The following CADM2 variants were observed in gnomAD, a reference collection of about 807,000 sequenced individuals.
The protein encoded by CADM2 is immunoglobulin superfamily member 4D.
Under a neutral mutation model 49.8 loss-of-function variants are expected in CADM2, and 12 were observed. That is an observed-to-expected ratio of 0.24 (90% CI 0.15 to 0.39). CADM2 has a LOEUF of 0.39. Ranked by LOEUF, CADM2 falls within the 10% of genes least tolerant of loss-of-function variation. The pLI is 1.00. For missense variants in CADM2, 378 were observed against 492.3 expected, an observed-to-expected ratio of 0.77 and a Z score of 2.20; for synonymous variants, 214 against 175.4, an observed-to-expected ratio of 1.22 and a Z score of -1.74.
At chr3:85,121,816 T>C (rs537242965) in intron 1 of CADM2, among the ~76,000 whole-genome samples, 17 of 152,320 alleles carry the variant, frequency 1.1e-4, no homozygotes, top group Non-Finnish European at 8.8e-5. Flanking sequence ...ATATTTTTAT[T>C]ATTTCTGCAT....
At chr3:85,201,344 A>G (rs1355032392) in intron 1 of CADM2, among the ~76,000 whole-genome samples, 2 of 152,228 alleles carry the variant, frequency 1.3e-5, no homozygotes, top group Non-Finnish European at 2.9e-5. Context: ...GCATTATATT[A>G]TCTGAAAGAA....
intron 1 of CADM2, among the ~76,000 whole-genome samples, chr3:84,999,254 C>G (rs952746554): frequency 2.0e-5 from 3 of 152,146 alleles, no homozygotes; most frequent in Admixed American, 2.0e-4. Flanking sequence ...TGGGAAAATA[C>G]AGGGTTAGAA....
At chr3:85,573,940 G>GCATGTTTGA (rs1163439176) in intron 1 of CADM2, among the ~76,000 whole-genome samples, 1 of 151,942 alleles carries the variant, frequency 6.6e-6, no homozygotes, top group African/African-American at 2.4e-5. Flanking sequence ...AACATGTGAA[G>GCATGTTTGA]CATGTTTGAA....
intron 1 of CADM2, among the ~76,000 whole-genome samples, chr3:84,966,279 CTTA>C (rs1196004315): frequency 1.3e-5 from 2 of 151,978 alleles, no homozygotes; most frequent in African/African-American, 4.8e-5. Context: ...TCCACAGTCA[CTTA>C]TTTATATATA....
At chr3:85,914,300 T>C (rs988423281) in intron 6 of CADM2, among the ~76,000 whole-genome samples, 2 of 152,094 alleles carry the variant, frequency 1.3e-5, no homozygotes, top group Admixed American at 6.6e-5. Context: ...GCTTTGATTA[T>C]AAAGTAGAGG....
chr3:85,200,929 A>T (rs1010020278), intron 1 of CADM2, among the ~76,000 whole-genome samples: 2 of 152,112 alleles, frequency 1.3e-5, no homozygotes, highest in African/African-American at 4.8e-5. Context: ...ATTATTAACC[A>T]TTTTCACTCT....
intron 1 of CADM2, among the ~76,000 whole-genome samples, chr3:85,228,447 G>A (rs777154227): frequency 1.3e-5 from 2 of 151,678 alleles, no homozygotes; most frequent in Non-Finnish European, 2.9e-5. Context: ...CCCCATCTTT[G>A]TGGTTTTATC....
chr3:85,183,149 C>G (rs1252884722), intron 1 of CADM2, among the ~76,000 whole-genome samples: 4 of 152,020 alleles, frequency 2.6e-5, no homozygotes, highest in Non-Finnish European at 5.9e-5. Context: ...GAGATTGCAT[C>G]AGTGATGTTA....
intron 1 of CADM2, among the ~76,000 whole-genome samples, chr3:85,077,633 T>TA (rs2036997271): frequency 6.6e-6 from 1 of 152,090 alleles, no homozygotes; most frequent in Non-Finnish European, 1.5e-5. Flanking sequence ...GTCTCTAATA[T>TA]AAAATGATGT....
At chr3:85,653,301 T>C (rs1375126393) in intron 1 of CADM2, among the ~76,000 whole-genome samples, 3 of 147,138 alleles carry the variant, frequency 2.0e-5, no homozygotes, top group Non-Finnish European at 4.5e-5. Flanking sequence ...GGAAGACCAA[T>C]AAAAAGGTGA....
chr3:85,298,192 G>GT (rs565745616), intron 1 of CADM2, among the ~76,000 whole-genome samples: 100 of 152,186 alleles, frequency 6.6e-4, no homozygotes, highest in African/African-American at 2.3e-3. Context: ...ACATTGCTGA[G>GT]TGCCACTATG....
At chr3:85,750,813 A>C (rs1171872324) in intron 2 of CADM2, among the ~76,000 whole-genome samples, 1 of 152,014 alleles carries the variant, frequency 6.6e-6, no homozygotes, top group Non-Finnish European at 1.5e-5. Context: ...ATCAGTGTGC[A>C]TACTCAGGGA....
intron 1 of CADM2, among the ~76,000 whole-genome samples, chr3:85,551,790 G>C (rs1449408): frequency 0.51 from 77,858 of 151,786 alleles, 23,025 homozygotes; most frequent in East Asian, 0.85. Flanking sequence ...ATTTCCTACT[G>C]GGTATATAAT....
At chr3:85,210,202 T>C (rs988933312) in intron 1 of CADM2, among the ~76,000 whole-genome samples, 16 of 152,204 alleles carry the variant, frequency 1.1e-4, no homozygotes, top group Admixed American at 9.2e-4. Context: ...TGTTGAGTTT[T>C]ATCAAACTAT....
intron 1 of CADM2, among the ~76,000 whole-genome samples, chr3:85,076,018 A>C (rs1575815385): frequency 6.6e-6 from 1 of 152,094 alleles, no homozygotes; most frequent in Non-Finnish European, 1.5e-5. Flanking sequence ...TCAAATAAAA[A>C]CAACTGTATA....
intron 1 of CADM2, among the ~76,000 whole-genome samples, chr3:85,442,782 G>A (rs909250143): frequency 4.0e-5 from 6 of 151,170 alleles, no homozygotes; most frequent in African/African-American, 1.5e-4. Flanking sequence ...AAGACAACCT[G>A]CATGAATATT....
At chr3:85,971,253 G>GT (rs1726089629) in intron 8 of CADM2, among the ~76,000 whole-genome samples, 2 of 151,458 alleles carry the variant, frequency 1.3e-5, no homozygotes, top group East Asian at 2.0e-4. Flanking sequence ...ATGTGCAAAC[G>GT]TTTTTTCATG....
intron 3 of CADM2, among the ~76,000 whole-genome samples, chr3:85,882,376 T>C (rs1712947710): frequency 6.6e-6 from 1 of 152,138 alleles, no homozygotes; most frequent in Non-Finnish European, 1.5e-5. Context: ...TGATCAGCAA[T>C]AAAAATGAGT....
intron 1 of CADM2, among the ~76,000 whole-genome samples, chr3:85,120,734 G>A (rs927009262): frequency 7.2e-5 from 11 of 152,208 alleles, no homozygotes; most frequent in Non-Finnish European, 8.8e-5. Flanking sequence ...GTAGATGACA[G>A]GTAGATGGCT....
Sources: allele counts gnomAD v4.1 joint callset (sites outside exome capture counted in the v4.1 genomes callset), GRCh38; gene constraint gnomAD v4.1.1; transcripts MANE v1.5; gene names NCBI Gene and HGNC (gene_info 2026-07-23, HGNC 2026-07-21).